STARD6: variants seen among roughly 807,000 people sequenced by gnomAD.
STARD6 encodes the protein StAR related lipid transfer domain containing 6, also known as stAR-related lipid transfer protein 6.
A neutral mutation model predicts 22.3 loss-of-function variants in STARD6; 21 were observed. The ratio of observed to expected loss-of-function variants is 0.94; its 90% CI spans 0.67 to 1.35. The LOEUF is 1.35. Ranked by LOEUF, STARD6 falls within the 40% of genes most tolerant of loss-of-function variation. STARD6 has a pLI of 0.00. For synonymous variants in STARD6, 80 were observed against 88.1 expected, an observed-to-expected ratio of 0.91 and a Z score of 0.52; for missense variants, 269 against 266.9, an observed-to-expected ratio of 1.01 and a Z score of -0.05.
intron 4 of STARD6, among the ~76,000 whole-genome samples, chr18:54,340,661 G>A (rs2088961236): frequency 6.6e-6 from 1 of 152,130 alleles, no homozygotes; most frequent in South Asian, 2.1e-4. Flanking sequence ...GATTAAACAA[G>A]CCAATCAGAA....
rs1188550465 is a variant in STARD6 at position 54,356,422 on chromosome 18, T to A, written c.-66A>T. ...ACTGGGGCTCCTCTCCAAATCCTTG[T>A]GGAAATCTCCATATCTCTTAACCTG... On this transcript the variant is annotated 5_prime_UTR_variant, in exon 2 of 8. Transcript: ENST00000307844. 1 of 152,190 alleles carries A rather than the reference T, an allele frequency of 6.6e-6. No homozygotes were observed. Among genetic ancestry groups the A allele is most frequent in the African/African-American group, 2.4e-5 (1 of 41,456 alleles). 9.4% of individuals were successfully genotyped at this position (152,190 alleles called of 1,614,324 possible). A position where few individuals can be genotyped will look rare whatever the true frequency, so the allele number is the denominator to read the frequency against.
chr18:54,346,216 A>G (rs2089032440), intron 4 of STARD6, among the ~76,000 whole-genome samples: 1 of 152,178 alleles, frequency 6.6e-6, no homozygotes, highest in African/African-American at 2.4e-5. Flanking sequence ...TTCCAACTCA[A>G]CGATAAAAAG....
intron 7 of STARD6, among the ~76,000 whole-genome samples, chr18:54,326,723 TAAA>T (rs904197098): frequency 2.6e-5 from 4 of 150,980 alleles, no homozygotes; most frequent in African/African-American, 7.3e-5. Context: ...AAAAATAAAA[TAAA>T]AAATATTTTT....
chr18:54,354,538 T>A lies in STARD6; in HGVS notation c.36A>T (p.Gln12His), dbSNP rs761256351. The A allele has an allele frequency of 3.7e-6, 6 of 1,613,264 alleles. No individual in the cohort carries two copies. Among genetic ancestry groups the A allele is most frequent in the South Asian group, 1.1e-5 (1 of 90,768 alleles). Residue 12 changes from glutamine (Q) to histidine (H), a missense_variant, in exon 3 of 8, where the codon CAA becomes CAT. By Grantham distance (24) the Gln-to-His change is conservative (BLOSUM62 0). Transcript: ENST00000307844. ...DFKAIAQQTA[Q>H]EVLGYNRDTS... is the part of the protein sequence containing the mutation. ...TATCTCGATTATAACCTAAAACTTC[T>A]TGGGCAGTTTGTTGGGCAATTGCCT... is the stretch of plus-strand genomic sequence containing the variant.
rs559646687 is a variant in STARD6, at chr18:54,324,542, T to C, written c.*150A>G. On this transcript the variant is annotated 3_prime_UTR_variant, in exon 8 of 8. Coordinates refer to ENST00000307844, the MANE Select transcript of STARD6 (RefSeq NM_139171.2). ...CATATTCTTGTACAACTATGAGTTC[T>C]TATTTTTATGAACTATCTTCAGCCA... The C allele has an allele frequency of 1.6e-6, 1 of 645,066 alleles. No homozygotes were observed. Among genetic ancestry groups the C allele is most frequent in the Admixed American group, 3.7e-5 (1 of 27,076 alleles). The allele number at this position is 645,066 out of a possible 1,614,324, so 40.0% of individuals were successfully genotyped here. A position where few individuals can be genotyped will look rare whatever the true frequency, so the allele number is the denominator to read the frequency against.
chr18:54,338,578 G>A (rs939788152), intron 4 of STARD6, among the ~76,000 whole-genome samples: 4 of 151,954 alleles, frequency 2.6e-5, no homozygotes, highest in African/African-American at 9.7e-5. Context: ...ACCCAGGATG[G>A]GTGGATGGAG....
intron 6 of STARD6, among the ~76,000 whole-genome samples, chr18:54,330,066 C>G (rs1424919173): frequency 6.6e-6 from 1 of 151,782 alleles, no homozygotes; most frequent in Non-Finnish European, 1.5e-5. Flanking sequence ...TTTATGATTT[C>G]ATTTATGATA....
chr18:54,325,580 C>T (rs1432488840), intron 7 of STARD6, among the ~76,000 whole-genome samples: 2 of 151,490 alleles, frequency 1.3e-5, no homozygotes, highest in Non-Finnish European at 2.9e-5. Context: ...CAGGGTCTTA[C>T]TCTGTTGCCC....
intron 4 of STARD6, among the ~76,000 whole-genome samples, chr18:54,343,439 G>A (rs1450587702): frequency 1.3e-4 from 17 of 132,814 alleles, no homozygotes; most frequent in South Asian, 2.6e-4. Flanking sequence ...CCCCCTGCCC[G>A]GCCAGCCGCC....
chr18:54,351,522 CCA>C (rs2089095937), intron 4 of STARD6, among the ~76,000 whole-genome samples: 1 of 152,138 alleles, frequency 6.6e-6, no homozygotes, highest in Non-Finnish European at 1.5e-5. Flanking sequence ...TTTTCCCGTT[CCA>C]GTTTTTAGGA....
intron 7 of STARD6, among the ~76,000 whole-genome samples, chr18:54,327,984 G>A (rs957775045): frequency 1.3e-5 from 2 of 151,980 alleles, no homozygotes; most frequent in Admixed American, 6.6e-5. Context: ...ATCTTACACC[G>A]TCCTGCTCTG....
At chr18:54,345,343 G>A (rs1283924217) in intron 4 of STARD6, among the ~76,000 whole-genome samples, 1 of 151,668 alleles carries the variant, frequency 6.6e-6, no homozygotes, top group Non-Finnish European at 1.5e-5. Flanking sequence ...TGGTGTTAGA[G>A]TAAAATAAAA....
In STARD6 at chr18:54,338,882, T is replaced by A. The variant is rs112002407; in HGVS notation, c.141-1631A>T. Reference sequence around the variant, plus strand: ...GGCCAACATGGTGAAACCCCGTCTCTACTAAAAATACAAGAATTAGCTGGG... The same window carrying A: ...GGCCAACATGGTGAAACCCCGTCTCAACTAAAAATACAAGAATTAGCTGGG... On this transcript the variant is annotated intron_variant, in intron 4 of 7. Transcript: ENST00000307844. Among the ~76,000 whole-genome samples, 1,419 of 151,394 alleles carry A rather than the reference T, an allele frequency of 9.4e-3. 29 individuals are homozygous for A. The highest frequency in any genetic ancestry group is 0.032 in the African/African-American group (1,338 of 41,316).
Position 54,339,954 on chromosome 18 carries a change from G to C in STARD6, c.141-2703C>G, listed in dbSNP as rs190679316. Among the ~76,000 whole-genome samples, 3 of 152,044 alleles carry C rather than the reference G, an allele frequency of 2.0e-5. No individual in the cohort carries two copies. The East Asian group carries it at 5.8e-4, about 29-fold the overall frequency. On this transcript the variant is annotated intron_variant, in intron 4 of 7. Coordinates refer to ENST00000307844, the MANE Select transcript of STARD6 (RefSeq NM_139171.2). Reference sequence around the variant, plus strand: ...ATTGACAATAAACACAACAGAGGGGGATGGAAATAAAGCTATATGTGAATA... The same window carrying C: ...ATTGACAATAAACACAACAGAGGGGCATGGAAATAAAGCTATATGTGAATA...
At chr18:54,327,676 C>A (rs915585984) in intron 7 of STARD6, among the ~76,000 whole-genome samples, 1 of 151,978 alleles carries the variant, frequency 6.6e-6, no homozygotes, top group African/African-American at 2.4e-5. Flanking sequence ...AATGTAATCC[C>A]TATGAAAAAT....
intron 7 of STARD6, among the ~76,000 whole-genome samples, chr18:54,325,112 A>C (rs932804908): frequency 3.9e-5 from 6 of 152,102 alleles, no homozygotes; most frequent in Non-Finnish European, 8.8e-5. Context: ...CTTATTATGA[A>C]AATTTAAACA....
rs182960174 is a variant in STARD6, at chr18:54,339,966, G to C, written c.141-2715C>G. Among the ~76,000 whole-genome samples the C allele has an allele frequency of 1.2e-4, 18 of 152,086 alleles. No individual in the cohort carries two copies. In the East Asian group the frequency reaches 2.5e-3, roughly 21 times the overall value. On this transcript the variant is annotated intron_variant, in intron 4 of 7. Transcript: ENST00000307844. ...CACAACAGAGGGGGATGGAAATAAA[G>C]CTATATGTGAATAAAAAAAATAACA...
chr18:54,327,493 T>G lies in STARD6; in HGVS notation c.479+1854A>C, dbSNP rs540846267. 2.0e-5 allele frequency among the ~76,000 whole-genome samples: 3 copies of G among 152,322 alleles called. No individual in the cohort carries two copies. The South Asian group carries it at 6.2e-4, about 32-fold the overall frequency. On this transcript the variant is annotated intron_variant, in intron 7 of 7. Transcript: ENST00000307844. Reference sequence around the variant, plus strand: ...AAAGGAATGATGTAAAGTTTCTGACTGTTAAAAGTTGTATTTATTTTGAAA... The same window carrying G: ...AAAGGAATGATGTAAAGTTTCTGACGGTTAAAAGTTGTATTTATTTTGAAA...
At position 54,354,045 on chromosome 18, in the gene STARD6, T is replaced by C; in HGVS notation, c.140+9A>G. On this transcript the variant is annotated intron_variant, in intron 4 of 7. Transcript: ENST00000307844. ...AAAACAGTAATTGTAAATAGAAGAT[T>C]GTACTCACAGATTTCCATGGAATTT... is the stretch of plus-strand genomic sequence containing the variant. The C allele has an allele frequency of 6.5e-7, 1 of 1,538,142 alleles. No individual in the cohort carries two copies. The highest frequency in any genetic ancestry group is 8.8e-7 in the Non-Finnish European group (1 of 1,131,004).
Sources: allele counts gnomAD v4.1 joint callset (sites outside exome capture counted in the v4.1 genomes callset), GRCh38; gene constraint gnomAD v4.1.1; transcripts MANE v1.5; gene names NCBI Gene and HGNC (gene_info 2026-07-23, HGNC 2026-07-21).